FRZB: variants seen among roughly 807,000 people sequenced by gnomAD.
The protein encoded by FRZB is frizzled related protein.
A neutral mutation model predicts 32.5 loss-of-function variants in FRZB; 34 were observed. The observed-to-expected ratio is 1.05, with a 90% CI of 0.80 to 1.39. FRZB has a LOEUF of 1.39. Ranked by LOEUF, FRZB falls within the 40% of genes most tolerant of loss-of-function variation. FRZB has a pLI of 0.00. For missense variants in FRZB, 423 were observed against 424.8 expected, an observed-to-expected ratio of 1.00 and a Z score of 0.04; for synonymous variants, 170 against 159.2, an observed-to-expected ratio of 1.07 and a Z score of -0.51.
At chr2:182,863,001 C>T (rs1695850097) in intron 1 of FRZB, among the ~76,000 whole-genome samples, 1 of 152,152 alleles carries the variant, frequency 6.6e-6, no homozygotes, top group Admixed American at 6.5e-5. Flanking sequence ...AACTCCTGAC[C>T]TCAAGTGATC....
chr2:182,850,384 C>A (rs1052929203), intron 2 of FRZB, among the ~76,000 whole-genome samples: 1 of 152,148 alleles, frequency 6.6e-6, no homozygotes, highest in Non-Finnish European at 1.5e-5. Flanking sequence ...TCCACGCTAC[C>A]ATTCCCAGCC....
At chr2:182,860,150 T>C (rs946540596) in intron 1 of FRZB, among the ~76,000 whole-genome samples, 1 of 152,216 alleles carries the variant, frequency 6.6e-6, no homozygotes, top group Admixed American at 6.5e-5. Flanking sequence ...GGAGAGTGTT[T>C]TACTTCTTCC....
intron 2 of FRZB, among the ~76,000 whole-genome samples, chr2:182,849,471 C>T (rs953832145): frequency 6.6e-6 from 1 of 152,066 alleles, no homozygotes; most frequent in African/African-American, 2.4e-5. Context: ...AGTAACCATT[C>T]ATTACCTATG....
intron 2 of FRZB, among the ~76,000 whole-genome samples, chr2:182,854,138 G>A (rs1695740002): frequency 6.6e-6 from 1 of 152,206 alleles, no homozygotes; most frequent in Non-Finnish European, 1.5e-5. Flanking sequence ...TACCTTTGAA[G>A]AGAAGGGTGG....
chr2:182,851,853 A>G (rs1393158001), intron 2 of FRZB, among the ~76,000 whole-genome samples: 1 of 152,108 alleles, frequency 6.6e-6, no homozygotes, highest in Non-Finnish European at 1.5e-5. Flanking sequence ...AGGAATCCCT[A>G]TGAGGAGAGA....
rs954687839 is a variant in FRZB, at chr2:182,846,292, C to T, written c.527-3749G>A. On this transcript the variant is annotated intron_variant, in intron 2 of 5. Transcript: ENST00000295113. ...GATAAAACTTTCTAACTATCCCTGA[C>T]CTTTGTTTGAAATTGAATGCTTTTG... 2.0e-5 allele frequency among the ~76,000 whole-genome samples: 3 copies of T among 152,112 alleles called. No individual in the cohort carries two copies. The South Asian group carries it at 6.2e-4, about 31-fold the overall frequency.
intron 2 of FRZB, among the ~76,000 whole-genome samples, chr2:182,844,874 ACTT>A (rs1261673153): frequency 6.6e-6 from 1 of 152,204 alleles, no homozygotes; most frequent in Admixed American, 6.5e-5. Flanking sequence ...TCTGCAATAT[ACTT>A]CTTATTTCTG....
intron 2 of FRZB, among the ~76,000 whole-genome samples, chr2:182,856,345 A>G (rs889627186): frequency 6.6e-6 from 1 of 151,964 alleles, no homozygotes; most frequent in Non-Finnish European, 1.5e-5. Flanking sequence ...GAGGATATAT[A>G]TATATCTCAC....
intron 2 of FRZB, among the ~76,000 whole-genome samples, chr2:182,852,566 G>A (rs954541235): frequency 3.9e-5 from 6 of 152,122 alleles, no homozygotes; most frequent in Admixed American, 1.3e-4. Flanking sequence ...AGACATTTGT[G>A]TTTTTCAAAT....
chr2:182,838,144 A>G, intron 4 of FRZB, 133 bp from the exon 5 acceptor site: 1 of 739,912 alleles, frequency 1.4e-6, no homozygotes, highest in Non-Finnish European at 2.2e-6. Flanking sequence ...TAGAACAGTA[A>G]TTATTAACCA....
chr2:182,848,070 T>TAA (rs11361784), intron 2 of FRZB, among the ~76,000 whole-genome samples: 30 of 139,932 alleles, frequency 2.1e-4, no homozygotes, highest in East Asian at 6.7e-4. Flanking sequence ...CTCAACATGG[T>TAA]AAAAAAAAAA....
chr2:182,845,696 C>T (rs1695631647), intron 2 of FRZB, among the ~76,000 whole-genome samples: 1 of 152,148 alleles, frequency 6.6e-6, no homozygotes, highest in African/African-American at 2.4e-5. Flanking sequence ...TAATACAATA[C>T]CTTCAATTGT....
chr2:182,846,689 G>C (rs288246), intron 2 of FRZB, among the ~76,000 whole-genome samples: 1 of 152,250 alleles, frequency 6.6e-6, no homozygotes, highest in African/African-American at 2.4e-5. Context: ...TAGGAGCAAA[G>C]CACAACACAT....
At chr2:182,841,702 T>C (rs540557650) in intron 3 of FRZB, among the ~76,000 whole-genome samples, 1 of 152,230 alleles carries the variant, frequency 6.6e-6, no homozygotes, top group East Asian at 1.9e-4. Context: ...GACTCTAAAA[T>C]ATACACCAGC....
chr2:182,852,667 T>C (rs1435271720), intron 2 of FRZB, among the ~76,000 whole-genome samples: 1 of 152,218 alleles, frequency 6.6e-6, no homozygotes, highest in East Asian at 1.9e-4. Context: ...ACCCTTTGCA[T>C]TGGACCACTT....
At position 182,838,458 on chromosome 2, in the gene FRZB, C is replaced by G. The variant is rs1695551398; in HGVS notation, c.748G>C (p.Val250Leu). ...SSGCLCPPLN[V>L]NEEYIIMGYE... ...CCCATGATGATATATTCCTCATTAACATTAAGTGGAGGGCAGAGGCAGCCA... is the reference window on the plus strand; with the variant it reads ...CCCATGATGATATATTCCTCATTAAGATTAAGTGGAGGGCAGAGGCAGCCA... Residue 250 changes from valine (V) to leucine (L), a missense_variant, in exon 4 of 6, where the codon GTT (valine) becomes CTT (leucine). Transcript: ENST00000295113. 4 of 1,612,686 alleles carry G rather than the reference C, an allele frequency of 2.5e-6. 1 individual carries two copies. The highest frequency in any genetic ancestry group is 1.7e-5 in the Admixed American group (1 of 59,850).
At chr2:182,843,705 A>G (rs1695609766) in intron 2 of FRZB, among the ~76,000 whole-genome samples, 1 of 152,124 alleles carries the variant, frequency 6.6e-6, no homozygotes, top group Non-Finnish European at 1.5e-5. Context: ...GTGGGGGAAA[A>G]AAAATTGCTT....
At chr2:182,854,424 TA>T (rs1422691459) in intron 2 of FRZB, among the ~76,000 whole-genome samples, 1 of 151,866 alleles carries the variant, frequency 6.6e-6, no homozygotes, top group African/African-American at 2.4e-5. Flanking sequence ...GGGGAGAAAA[TA>T]ATACCATAAA....
chr2:182,836,875 T>C (rs1256296443), intron 5 of FRZB, among the ~76,000 whole-genome samples: 1 of 152,010 alleles, frequency 6.6e-6, no homozygotes. Context: ...GGAGAAGAAC[T>C]TACTGGAGGG....
Sources: allele counts gnomAD v4.1 joint callset (sites outside exome capture counted in the v4.1 genomes callset), GRCh38; gene constraint gnomAD v4.1.1; transcripts MANE v1.5; gene names NCBI Gene and HGNC (gene_info 2026-07-23, HGNC 2026-07-21).